ADAMTSL3: variants seen among roughly 807,000 people sequenced by gnomAD.
ADAMTSL3 encodes the protein ADAMTS-like protein 3.
In ADAMTSL3, 128 loss-of-function variants were observed where a neutral mutation model predicts 201.7. That is an observed-to-expected ratio of 0.63 (90% CI 0.55 to 0.73). The LOEUF (loss-of-function observed/expected upper bound fraction) is 0.73. Among genes scored for constraint, ADAMTSL3 ranks in the 30% least tolerant of loss-of-function variants. The pLI, the probability that ADAMTSL3 is intolerant of heterozygous loss-of-function variation, is 0.00. For synonymous variants in ADAMTSL3, 738 were observed against 748.4 expected (o/e 0.99, Z 0.23); for missense variants, 1,990 against 2,119.6 (o/e 0.94, Z 1.20).
At chr15:83,869,215 A>T (rs2065036117) in intron 8 of ADAMTSL3, among the ~76,000 whole-genome samples, 1 of 150,586 alleles carries the variant, frequency 6.6e-6, no homozygotes, top group Non-Finnish European at 1.5e-5. Flanking sequence ...ATTGCTTATC[A>T]TTTTTTTTTC....
At chr15:83,884,161 G>A (rs185688608) in intron 9 of ADAMTSL3, among the ~76,000 whole-genome samples, 49 of 140,498 alleles carry the variant, frequency 3.5e-4, no homozygotes, top group Non-Finnish European at 5.2e-4. Flanking sequence ...CTAAAGTGCT[G>A]GGATTATAGG....
intron 4 of ADAMTSL3, among the ~76,000 whole-genome samples, chr15:83,776,427 T>TATGTCACTG (rs2141765023): frequency 6.6e-6 from 1 of 152,254 alleles, no homozygotes; most frequent in Admixed American, 6.5e-5. Context: ...AATTAAAAAT[T>TATGTCACTG]ATGTCACTGG....
intron 3 of ADAMTSL3, among the ~76,000 whole-genome samples, chr15:83,716,263 G>T (rs1489736646): frequency 6.6e-6 from 1 of 152,158 alleles, no homozygotes; most frequent in Non-Finnish European, 1.5e-5. Flanking sequence ...AGCACTTTGG[G>T]AGGCCAAGGT....
chr15:83,829,966 A>G (rs1259918091), intron 6 of ADAMTSL3, among the ~76,000 whole-genome samples: 2 of 152,294 alleles, frequency 1.3e-5, no homozygotes, highest in South Asian at 2.1e-4. Context: ...CAATTTTGTA[A>G]TAAGTGTGAT....
chr15:83,778,040 T>G (rs1175924098), intron 4 of ADAMTSL3, among the ~76,000 whole-genome samples: 1 of 152,040 alleles, frequency 6.6e-6, no homozygotes, highest in African/African-American at 2.4e-5. Flanking sequence ...AGACTGGCTT[T>G]CTGAAATAAG....
chr15:83,755,722 A>G (rs1191257676), intron 3 of ADAMTSL3, among the ~76,000 whole-genome samples: 1 of 151,542 alleles, frequency 6.6e-6, no homozygotes, highest in Non-Finnish European at 1.5e-5. Context: ...CTGTTATAAC[A>G]GAGTGGTACA....
chr15:83,846,052 T>A (rs2064490956), intron 7 of ADAMTSL3, among the ~76,000 whole-genome samples: 1 of 152,124 alleles, frequency 6.6e-6, no homozygotes, highest in African/African-American at 2.4e-5. Context: ...CCTTGAGGAA[T>A]GTGAATTAAA....
chr15:83,892,665 T>C lies in ADAMTSL3; in HGVS notation c.1263-19T>C. 1 of 1,590,326 alleles carries C rather than the reference T, an allele frequency of 6.3e-7. No individual in the cohort carries two copies. Among genetic ancestry groups the C allele is most frequent in the Non-Finnish European group, 8.6e-7 (1 of 1,167,842 alleles). ...CAAACAACAAATAAATAATATAATT[T>C]TATTTGTTTGCTTTTGAGCTGGGAA... On this transcript the variant is annotated intron_variant, in intron 12 of 29. Transcript: ENST00000286744.
At chr15:83,766,071 G>A (rs1436766063) in intron 3 of ADAMTSL3, among the ~76,000 whole-genome samples, 3 of 151,758 alleles carry the variant, frequency 2.0e-5, no homozygotes, top group African/African-American at 7.2e-5. Context: ...GATACATGAG[G>A]TGCTTCCAGC....
intron 8 of ADAMTSL3, among the ~76,000 whole-genome samples, chr15:83,859,347 G>A (rs560119974): frequency 1.3e-5 from 2 of 152,290 alleles, no homozygotes; most frequent in African/African-American, 2.4e-5. Context: ...GCCCTTGGGC[G>A]TGATCTCCTC....
intron 19 of ADAMTSL3, chr15:83,962,105 T>C (rs796330553): frequency 2.0e-5 from 3 of 152,258 alleles, no homozygotes; most frequent in African/African-American, 7.2e-5. Flanking sequence ...TCTCACGAGA[T>C]CTGATGGTTT....
At chr15:83,724,666 T>C (rs1351343240) in intron 3 of ADAMTSL3, among the ~76,000 whole-genome samples, 1 of 152,122 alleles carries the variant, frequency 6.6e-6, no homozygotes, top group Non-Finnish European at 1.5e-5. Context: ...TATATTTTTG[T>C]ACCCATTAGC....
At chr15:84,020,259 TTGGGATCC>T (rs1184491891) in intron 25 of ADAMTSL3, among the ~76,000 whole-genome samples, 2 of 121,224 alleles carry the variant, frequency 1.6e-5, no homozygotes, top group Non-Finnish European at 3.6e-5. Flanking sequence ...TCAGACACAC[TTGGGATCC>T]AGTCCGGCTA....
At chr15:83,799,688 T>C (rs1376912371) in intron 4 of ADAMTSL3, among the ~76,000 whole-genome samples, 2 of 152,200 alleles carry the variant, frequency 1.3e-5, no homozygotes, top group African/African-American at 2.4e-5. Flanking sequence ...TATATATTCA[T>C]AAATTTATGA....
chr15:84,031,627 A>G (rs2068411377), intron 28 of ADAMTSL3, among the ~76,000 whole-genome samples, 195 bp downstream of exon 28: 1 of 152,220 alleles, frequency 6.6e-6, no homozygotes, highest in Admixed American at 6.5e-5. Context: ...ACTATTTATA[A>G]CTATAAATTG....
At chr15:83,793,963 A>G (rs1292650110) in intron 4 of ADAMTSL3, among the ~76,000 whole-genome samples, 2 of 152,230 alleles carry the variant, frequency 1.3e-5, no homozygotes, top group African/African-American at 2.4e-5. Flanking sequence ...AATATCAACA[A>G]TTAAAAATCA....
At chr15:83,849,461 C>T (rs936484399) in intron 7 of ADAMTSL3, among the ~76,000 whole-genome samples, 2 of 152,170 alleles carry the variant, frequency 1.3e-5, no homozygotes, top group African/African-American at 4.8e-5. Context: ...GGCTTATAGA[C>T]CAATAGAAAA....
In ADAMTSL3 at chr15:83,752,289, A is replaced by G. The variant is rs751218057; in HGVS notation, c.190-21234A>G. Among the ~76,000 whole-genome samples the G allele has an allele frequency of 6.2e-4, 95 of 152,264 alleles. 2 individuals are homozygous for G. Among genetic ancestry groups the G allele is most frequent in the Non-Finnish European group, 9.9e-4 (67 of 68,010 alleles). On this transcript the variant is annotated intron_variant, in intron 3 of 29. Coordinates refer to ENST00000286744, the MANE Select transcript of ADAMTSL3 (RefSeq NM_207517.3). ...CCTTAGCATTTTCTTTACTTTTGAT[A>G]CTTTGCTGTAATAGACCAAAATTGC...
At chr15:83,913,021 A>G in intron 15 of ADAMTSL3, 71 bp from the exon 16 acceptor site, 1 of 1,489,472 alleles carries the variant, frequency 6.7e-7, no homozygotes, top group Non-Finnish European at 9.1e-7. Context: ...TGAATGTGTC[A>G]CTCCTCCTTT....
Sources: allele counts gnomAD v4.1 joint callset (sites outside exome capture counted in the v4.1 genomes callset), GRCh38; gene constraint gnomAD v4.1.1; transcripts MANE v1.5; gene names NCBI Gene and HGNC (gene_info 2026-07-23, HGNC 2026-07-21).